NPHP4: variants seen among roughly 807,000 people sequenced by gnomAD.
NPHP4 encodes nephrocystin-4.
Under a neutral mutation model 155.8 loss-of-function variants are expected in NPHP4, and 151 were observed. The ratio of observed to expected loss-of-function variants is 0.97; its 90% CI spans 0.85 to 1.11. NPHP4 has a LOEUF of 1.11. Ranked by LOEUF, NPHP4 falls within the 50% of genes least tolerant of loss-of-function variation. The pLI, the probability that NPHP4 is intolerant of heterozygous loss-of-function variation, is 0.00. For synonymous variants in NPHP4, 845 were observed against 816.8 expected (o/e 1.03, Z -0.59); for missense variants, 1,956 against 1,925.7 (o/e 1.02, Z -0.29).
chr1:5,875,220 A>G (rs2100639943), intron 20 of NPHP4, 120 bp from the exon 21 acceptor site: 3 of 784,188 alleles, frequency 3.8e-6, no homozygotes, highest in East Asian at 2.7e-5. Context: ...AAGCATCGCC[A>G]CCACCACCCC....
intron 29 of NPHP4, 82 bp downstream of exon 29, chr1:5,863,808 T>C: frequency 6.9e-7 from 1 of 1,456,290 alleles, no homozygotes; most frequent in Admixed American, 1.7e-5. Flanking sequence ...TTTGAGGAAC[T>C]CGCTCCTAAA....
intron 1 of NPHP4, among the ~76,000 whole-genome samples, chr1:5,987,308 G>C (rs752008235): frequency 6.6e-6 from 1 of 152,122 alleles, no homozygotes; most frequent in Non-Finnish European, 1.5e-5. Flanking sequence ...CTAAAATGGC[G>C]AGTAAGGAGA....
chr1:5,866,974 G>A, intron 25 of NPHP4, 56 bp downstream of exon 25: 18 of 1,370,586 alleles, frequency 1.3e-5, no homozygotes, highest in Non-Finnish European at 1.9e-5. Flanking sequence ...GAAGCCGACA[G>A]GGGCGCAGAC....
At chr1:5,872,229 C>T (rs1284043102) in intron 23 of NPHP4, among the ~76,000 whole-genome samples, 2 of 152,258 alleles carry the variant, frequency 1.3e-5, no homozygotes, top group Non-Finnish European at 2.9e-5. Flanking sequence ...CTTTGTGCTA[C>T]ATTGGCACAG....
intron 16 of NPHP4, among the ~76,000 whole-genome samples, chr1:5,900,587 G>A (rs1411196057): frequency 1.3e-5 from 2 of 152,110 alleles, no homozygotes; most frequent in Admixed American, 6.5e-5. Context: ...GAGGTGTAGG[G>A]CCATGAAGCT....
At position 5,867,156 on chromosome 1, in the gene NPHP4, C is replaced by T. The variant is rs769516046; in HGVS notation, c.3473-41G>A. ...TGTCAAAAAGAGTCTTCTCCACAGC[C>T]CCAGCCTGTGTGGAGAAGGCCCCAC... is the stretch of plus-strand genomic sequence containing the variant. On this transcript the variant is annotated intron_variant, in intron 24 of 29. Coordinates refer to ENST00000378156, the MANE Select transcript of NPHP4 (RefSeq NM_015102.5). This position sits in a 1 kb window ranked among gnomAD's most constrained non-coding sequence, Gnocchi z 4.1. 4 of 1,492,788 alleles carry T rather than the reference C, an allele frequency of 2.7e-6. No homozygotes were observed. The highest frequency in any genetic ancestry group is 1.4e-5 in the African/African-American group (1 of 72,360). 92.5% of individuals were successfully genotyped at this position (1,492,788 alleles called of 1,614,324 possible).
At chr1:5,920,552 A>C (rs979900631) in intron 11 of NPHP4, among the ~76,000 whole-genome samples, 1 of 152,078 alleles carries the variant, frequency 6.6e-6, no homozygotes, top group African/African-American at 2.4e-5. Flanking sequence ...GGACAACGTT[A>C]ATGATCGCCC....
chr1:5,863,281 T>G lies in NPHP4; in HGVS notation c.4265A>C (p.Lys1422Thr). 6.2e-7 allele frequency: 1 copy of G among 1,614,056 alleles called. No individual in the cohort carries two copies. The change falls in exon 30 of 30, where the codon AAG (lysine) becomes ACG (threonine). Residue 1422 changes from lysine to threonine, a missense_variant. Transcript: ENST00000378156. ...EDKNEEAFCV[K>T]VIYQ ...CTCAAGCCCTCACTGGTAGATGACC[T>G]TCACGCAAAATGCCTCTTCGTTTTT...
Position 5,864,533 on chromosome 1 carries a change from A to G in NPHP4, c.3817-16T>C. On this transcript the variant is annotated splice_polypyrimidine_tract_variant and intron_variant, in intron 27 of 29. Transcript: ENST00000378156. ...TGGGGTCTGTCTTCAAGAGCGAGAG[A>G]GGCGGGTCAGAGCACAGCCTCTCAG... 4.6e-6 allele frequency: 7 copies of G among 1,518,658 alleles called. No homozygotes were observed. Among genetic ancestry groups the G allele is most frequent in the African/African-American group, 1.4e-5 (1 of 72,446 alleles). The allele number at this position is 1,518,658 out of a possible 1,614,324, so 94.1% of individuals were successfully genotyped here. A position where few individuals can be genotyped will look rare whatever the true frequency, so the allele number is the denominator to read the frequency against.
chr1:5,960,180 G>A (rs189269573), intron 6 of NPHP4, among the ~76,000 whole-genome samples: 138 of 152,272 alleles, frequency 9.1e-4, no homozygotes, highest in African/African-American at 3.2e-3. Flanking sequence ...AAGACACCCC[G>A]AAGTGGGCGT....
At chr1:5,923,100 A>G (rs555870455) in intron 11 of NPHP4, among the ~76,000 whole-genome samples, 1 of 152,356 alleles carries the variant, frequency 6.6e-6, no homozygotes, top group Non-Finnish European at 1.5e-5. Context: ...CCAAGACTCA[A>G]AAGTCCGGAA....
At chr1:5,936,469 T>C (rs1428353491) in intron 9 of NPHP4, among the ~76,000 whole-genome samples, 1 of 152,068 alleles carries the variant, frequency 6.6e-6, no homozygotes, top group Non-Finnish European at 1.5e-5. Flanking sequence ...CATCCACTAC[T>C]TCATCATTCC....
Position 5,874,566 on chromosome 1 carries a change from T to A in NPHP4, c.3136A>T (p.Ser1046Cys), listed in dbSNP as rs1642361788. The change falls in exon 22 of 30, where the codon AGC (serine) becomes TGC (cysteine). Residue 1046 changes from serine to cysteine, a missense_variant. Transcript: ENST00000378156. Reference sequence around the variant, plus strand: ...CGCAGGTAGAGCTGGGGGGCCAGGCTGCCACGCAGGTGGAACATGTCCTCC... The same window carrying A: ...CGCAGGTAGAGCTGGGGGGCCAGGCAGCCACGCAGGTGGAACATGTCCTCC... ...VEEDMFHLRGSLAPQLYLRPH... is the reference protein window; with the variant it reads ...VEEDMFHLRGCLAPQLYLRPH... 4 of 1,607,778 alleles carry A rather than the reference T, an allele frequency of 2.5e-6. No individual in the cohort carries two copies. The highest frequency in any genetic ancestry group is 3.4e-6 in the Non-Finnish European group (4 of 1,177,736).
chr1:5,973,751 T>C (rs1279130342), intron 3 of NPHP4, among the ~76,000 whole-genome samples: 1 of 152,206 alleles, frequency 6.6e-6, no homozygotes, highest in Non-Finnish European at 1.5e-5. Context: ...AAAACCATTT[T>C]CTTTCATCCT....
rs186296027 is a variant in NPHP4, at chr1:5,961,395, C to T, written c.673+399G>A. On this transcript the variant is annotated intron_variant, in intron 6 of 29. Transcript: ENST00000378156. ...ACTGTACATTTTAAAAGGGCTAAGACGGTCAATTTTATGTTATCCTTATTT... is the reference window on the plus strand; with the variant it reads ...ACTGTACATTTTAAAAGGGCTAAGATGGTCAATTTTATGTTATCCTTATTT... Among the ~76,000 whole-genome samples the T allele has an allele frequency of 2.2e-4, 33 of 152,272 alleles. No individual in the cohort carries two copies. In the South Asian group the frequency reaches 4.1e-3, roughly 19 times the overall value.
In NPHP4 at chr1:5,889,011, A is replaced by C. The variant is rs1643971236; in HGVS notation, c.2305-1545T>G. 2.0e-5 allele frequency among the ~76,000 whole-genome samples: 3 copies of C among 152,350 alleles called. No individual in the cohort carries two copies. In the East Asian group the frequency reaches 5.8e-4, roughly 29 times the overall value. The stretch of plus-strand genomic sequence containing the variant: ...GGCCTCTGTTTTCTCCACCAGAAAC[A>C]AGGATAAAAACAGAACTGCCCCAGG... On this transcript the variant is annotated intron_variant, in intron 17 of 29. Transcript: ENST00000378156. This position sits in a 1 kb window ranked among gnomAD's most constrained non-coding sequence, Gnocchi z 4.2.
intron 16 of NPHP4, among the ~76,000 whole-genome samples, chr1:5,901,321 C>G (rs1644670667): frequency 6.6e-6 from 1 of 152,224 alleles, no homozygotes; most frequent in Non-Finnish European, 1.5e-5. Context: ...TGAACTGATG[C>G]AACTACCAAG....
rs574932430 is a variant in NPHP4 at position 5,940,650 on chromosome 1, G to A, written c.1119+6454C>T. Among the ~76,000 whole-genome samples the A allele has an allele frequency of 2.6e-5, 4 of 152,126 alleles. No individual in the cohort carries two copies. In the South Asian group the frequency reaches 8.3e-4, roughly 32 times the overall value. On this transcript the variant is annotated intron_variant, in intron 9 of 29. Transcript: ENST00000378156. ...TCTACAAAAACAAAATAAAAACACA[G>A]TGCTAATTCAGACAATATAATGAAA...
chr1:5,888,113 C>G (rs1263589348), intron 17 of NPHP4, among the ~76,000 whole-genome samples: 2 of 152,180 alleles, frequency 1.3e-5, no homozygotes, highest in African/African-American at 2.4e-5. Context: ...GGGGTTTGGC[C>G]CAGTTCTGCA....
Sources: gnomAD v4.1 joint callset for allele counts (sites outside exome capture counted in the v4.1 genomes callset) on GRCh38, gnomAD v4.1.1 for gene constraint, Gnocchi (gnomAD v3.1) non-coding constraint, MANE v1.5 for transcripts, NCBI Gene and HGNC (gene_info 2026-07-23, HGNC 2026-07-21) for gene names.